The following KLHL4 variants were observed in gnomAD, a reference collection of about 807,000 sequenced individuals.
KLHL4 encodes the protein kelch like family member 4.
A neutral mutation model predicts 45.8 loss-of-function variants in KLHL4; 17 were observed. That is an observed-to-expected ratio of 0.37 (90% CI 0.25 to 0.56). The LOEUF (loss-of-function observed/expected upper bound fraction) is 0.56. Ranked by LOEUF, KLHL4 falls within the 20% of genes least tolerant of loss-of-function variation. The pLI, the probability that KLHL4 is intolerant of heterozygous loss-of-function variation, is 0.79. For missense variants in KLHL4, 544 were observed against 544.9 expected, an observed-to-expected ratio of 1.00 and a Z score of 0.02; for synonymous variants, 224 against 189.9, an observed-to-expected ratio of 1.18 and a Z score of -1.47.
Position 87,666,913 on chromosome X carries a change from T to G in KLHL4, c.*379T>G, listed in dbSNP as rs765772236. On this transcript the variant is annotated 3_prime_UTR_variant, in exon 11 of 11. Transcript: ENST00000373119. Reference sequence around the variant, plus strand: ...CCTTAAAAGTTAAAAACATTTTCAGTTTTTTTTTAAAAAACGTACTCTTAT... The same window carrying G: ...CCTTAAAAGTTAAAAACATTTTCAGGTTTTTTTTAAAAAACGTACTCTTAT... 661 of 686,773 alleles carry G rather than the reference T, an allele frequency of 9.6e-4. No homozygotes were observed. The highest frequency in any genetic ancestry group is 1.1e-3 in the Non-Finnish European group (634 of 590,093). 56.6% of individuals were successfully genotyped at this position (686,773 alleles called of 1,213,427 possible). A position where few individuals can be genotyped will look rare whatever the true frequency, so the allele number is the denominator to read the frequency against.
chrX:87,640,454 T>C (rs1425795139), intron 9 of KLHL4, among the ~76,000 whole-genome samples: 2 of 111,619 alleles, frequency 1.8e-5, no homozygotes, highest in African/African-American at 6.5e-5. Context: ...CAATACTAGT[T>C]AACAGAATCC....
intron 1 of KLHL4, among the ~76,000 whole-genome samples, chrX:87,554,066 C>T (rs2147780704): frequency 1.0e-5 from 1 of 100,144 alleles, no homozygotes; most frequent in Non-Finnish European, 2.0e-5. Flanking sequence ...TGTTCTGTTC[C>T]ATTGATCTAT....
chrX:87,544,589 A>G (rs761905678), intron 1 of KLHL4, among the ~76,000 whole-genome samples: 1 of 111,868 alleles, frequency 8.9e-6, no homozygotes, highest in African/African-American at 3.2e-5. Flanking sequence ...CACACCAAGC[A>G]TTCAGTGGCT....
chrX:87,545,457 G>C (rs2369887), intron 1 of KLHL4, among the ~76,000 whole-genome samples: 1 of 110,442 alleles, frequency 9.1e-6, no homozygotes, highest in African/African-American at 3.3e-5. Context: ...ATGCCCTCTC[G>C]CCTGCTGCCA....
rs1241122423 is a variant in KLHL4 at position 87,584,750 on chromosome X, A to G, written c.423-29127A>G. ...AAAAACCCTCAAAAGGGCAAATCTA[A>G]AAGTTATTGGCCTTAAAGAGAAGGT... is the stretch of plus-strand genomic sequence containing the variant. On this transcript the variant is annotated intron_variant, in intron 1 of 10. Coordinates refer to ENST00000373119, the MANE Select transcript of KLHL4 (RefSeq NM_019117.5). 1.8e-5 allele frequency among the ~76,000 whole-genome samples: 2 copies of G among 110,258 alleles called. 1 individual carries two copies. Among genetic ancestry groups the G allele is most frequent in the Middle Eastern group, 8.3e-3 (2 of 240 alleles).
chrX:87,629,342 G>A (rs1484222881), intron 6 of KLHL4, among the ~76,000 whole-genome samples: 2 of 111,597 alleles, frequency 1.8e-5, no homozygotes, highest in Non-Finnish European at 3.8e-5. Flanking sequence ...AGCAGCTAGA[G>A]AATATACATT....
At chrX:87,595,763 T>A (rs1205677013) in intron 1 of KLHL4, among the ~76,000 whole-genome samples, 2 of 111,333 alleles carry the variant, frequency 1.8e-5, no homozygotes, top group African/African-American at 3.3e-5. Flanking sequence ...TAGAAAAAAA[T>A]TCAAATTAGT....
At chrX:87,665,686 C>T (rs1198228248) in intron 10 of KLHL4, among the ~76,000 whole-genome samples, 1 of 111,570 alleles carries the variant, frequency 9.0e-6, no homozygotes, top group African/African-American at 3.3e-5. Context: ...TAACTCTTTA[C>T]CATCTCCACA....
At chrX:87,644,246 A>C (rs1602461184) in intron 9 of KLHL4, among the ~76,000 whole-genome samples, 1 of 111,908 alleles carries the variant, frequency 8.9e-6, no homozygotes, top group East Asian at 2.8e-4. Flanking sequence ...TAGCTCTTCT[A>C]TACACCAACA....
intron 3 of KLHL4, among the ~76,000 whole-genome samples, chrX:87,616,080 A>C (rs893225350): frequency 3.7e-4 from 41 of 111,424 alleles, no homozygotes; most frequent in African/African-American, 1.2e-3. Flanking sequence ...GAGCAATGTG[A>C]CTTCCTTTTA....
At position 87,669,229 on chromosome X, in the gene KLHL4, T is replaced by C; in HGVS notation, c.*2695T>C. The C allele has an allele frequency of 8.9e-7, 1 of 1,123,903 alleles. No homozygotes were observed. The highest frequency in any genetic ancestry group is 1.8e-5 in the African/African-American group (1 of 54,435). 92.6% of individuals were successfully genotyped at this position (1,123,903 alleles called of 1,213,427 possible). On this transcript the variant is annotated 3_prime_UTR_variant, in exon 11 of 11. Coordinates refer to ENST00000373119, the MANE Select transcript of KLHL4 (RefSeq NM_019117.5). ...AATGTTGCTTCTTGATTTTTTTCTATAATCACTATGACCGTGTTCACGATT... is the reference window on the plus strand; with the variant it reads ...AATGTTGCTTCTTGATTTTTTTCTACAATCACTATGACCGTGTTCACGATT...
chrX:87,610,473 G>C (rs1230921529), intron 1 of KLHL4, among the ~76,000 whole-genome samples: 1 of 111,353 alleles, frequency 9.0e-6, no homozygotes, highest in African/African-American at 3.3e-5. Flanking sequence ...ATATCTGATG[G>C]CTTACTTTTT....
chrX:87,639,897 C>T lies in KLHL4; in HGVS notation c.1925+4122C>T, dbSNP rs192253927. Among the ~76,000 whole-genome samples the T allele has an allele frequency of 1.6e-3, 172 of 108,757 alleles. 1 individual carries two copies. Among genetic ancestry groups the T allele is most frequent in the African/African-American group, 5.4e-3 (163 of 30,034 alleles). The allele number at this position is 108,757 out of a possible 115,157, so 94.4% of individuals were successfully genotyped here. A position where few individuals can be genotyped will look rare whatever the true frequency, so the allele number is the denominator to read the frequency against. ...CAACAAAAAAATACAAAAGAGAAAA[C>T]ACACAGCTGGTTCTTTGAAAAAAAT... On this transcript the variant is annotated intron_variant, in intron 9 of 10. Coordinates refer to ENST00000373119, the MANE Select transcript of KLHL4 (RefSeq NM_019117.5).
intron 1 of KLHL4, among the ~76,000 whole-genome samples, chrX:87,545,562 C>T (rs2369888): frequency 0.22 from 24,571 of 110,879 alleles, 2,055 homozygotes; most frequent in Non-Finnish European, 0.26. Context: ...AACCACTTTT[C>T]TTCATAAATT....
chrX:87,642,803 T>G (rs968348172), intron 9 of KLHL4, among the ~76,000 whole-genome samples: 2 of 112,006 alleles, frequency 1.8e-5, no homozygotes, highest in Non-Finnish European at 1.9e-5. Context: ...GAAAGAAATG[T>G]AGAGCTCAAA....
intron 9 of KLHL4, 53 bp from the exon 10 acceptor site, chrX:87,664,711 A>G: frequency 1.2e-6 from 1 of 839,593 alleles, no homozygotes; most frequent in Non-Finnish European, 1.7e-6. Flanking sequence ...TGTTATTTTC[A>G]GTTGTAACTC....
chrX:87,639,872 C>T (rs868568659), intron 9 of KLHL4, among the ~76,000 whole-genome samples: 1 of 95,484 alleles, frequency 1.0e-5, no homozygotes, highest in East Asian at 3.0e-4. Context: ...GAAACAACAA[C>T]AACAAAAAAA....
intron 9 of KLHL4, among the ~76,000 whole-genome samples, chrX:87,656,177 T>TA (rs1223505307): frequency 9.0e-6 from 1 of 111,011 alleles, no homozygotes; most frequent in Admixed American, 9.6e-5. Context: ...AGATTCTTCT[T>TA]ACAATGTTTC....
chrX:87,599,558 A>C (rs988803782), intron 1 of KLHL4, among the ~76,000 whole-genome samples: 2 of 111,060 alleles, frequency 1.8e-5, no homozygotes, highest in East Asian at 5.6e-4. Context: ...ATAGACCCTA[A>C]ATATTTTAAA....
Sources: allele counts gnomAD v4.1 joint callset (sites outside exome capture counted in the v4.1 genomes callset), GRCh38; gene constraint gnomAD v4.1.1; transcripts MANE v1.5; gene names NCBI Gene and HGNC (gene_info 2026-07-23, HGNC 2026-07-21).